Variants in ECHDC2 observed in about 807,000 individuals in gnomAD.
ECHDC2 encodes the protein enoyl-CoA hydratase domain-containing protein 2, mitochondrial.
In ECHDC2, 34 loss-of-function variants were observed where a neutral mutation model predicts 40.6. The ratio of observed to expected loss-of-function variants is 0.84; its 90% CI spans 0.64 to 1.11. The LOEUF (loss-of-function observed/expected upper bound fraction) is 1.11, where lower values mean the gene tolerates loss of function less well. ECHDC2 is among the 50% of genes most tolerant of loss of function. The pLI, the probability that ECHDC2 is intolerant of heterozygous loss-of-function variation, is 0.00. For missense variants in ECHDC2, 392 were observed against 400.7 expected (o/e 0.98, Z 0.19); for synonymous variants, 162 against 166.6 (o/e 0.97, Z 0.21).
upstream of ECHDC2, chr1:52,921,749 G>A: frequency 1.4e-6 from 2 of 1,422,662 alleles, no homozygotes; most frequent in Non-Finnish European, 1.8e-6. Flanking sequence ...TCGCAGTTCC[G>A]GCGTCGGGCG....
chr1:52,917,633 A>T, intron 1 of ECHDC2: 1 of 456,102 alleles, frequency 2.2e-6, no homozygotes, highest in South Asian at 1.5e-5. Context: ...GTTGAAGGAC[A>T]GCCATTAATT....
intron 9 of ECHDC2, 69 bp from the exon 10 acceptor site, chr1:52,896,666 T>C: frequency 7.6e-7 from 1 of 1,308,548 alleles, no homozygotes; most frequent in African/African-American, 1.5e-5. Context: ...TTGCTTAAGC[T>C]TGTCCAGCCC....
At chr1:52,911,469 T>C in intron 3 of ECHDC2, 97 bp downstream of exon 3, 3 of 1,180,678 alleles carry the variant, frequency 2.5e-6, no homozygotes, top group South Asian at 1.3e-5. Context: ...ATGGCAACAA[T>C]GAGTCCCATG....
intron 7 of ECHDC2, 118 bp from the exon 8 acceptor site, chr1:52,899,342 T>C: frequency 1.1e-6 from 1 of 913,986 alleles, no homozygotes; most frequent in East Asian, 2.5e-5. Flanking sequence ...GTTCCAGCCA[T>C]TCTGCTGACA....
intron 8 of ECHDC2, chr1:52,897,803 C>T (rs2150032373): frequency 2.1e-6 from 1 of 476,766 alleles, no homozygotes; most frequent in South Asian, 2.3e-5. Flanking sequence ...GGCCCACTGA[C>T]TGGCACTTGA....
intron 1 of ECHDC2, chr1:52,917,661 G>A (rs889193939): frequency 4.4e-6 from 2 of 455,930 alleles, no homozygotes; most frequent in African/African-American, 4.0e-5. Context: ...TGCACAGCAT[G>A]ATGATGTTTT....
intron 7 of ECHDC2, 140 bp from the exon 8 acceptor site, chr1:52,899,364 G>A (rs1646843386): frequency 6.8e-6 from 5 of 735,446 alleles, no homozygotes; most frequent in East Asian, 2.6e-5. Context: ...TTTCTTTAGC[G>A]TTAGTCCTAT....
rs532560153 is a variant in ECHDC2, at chr1:52,906,941, ATTTTTT to A, written c.365-336_365-331del. The A allele has an allele frequency of 1.7e-4, 18 of 107,198 alleles. No homozygotes were observed. The South Asian group carries it at 4.6e-3, about 27-fold the overall frequency. 6.6% of individuals were successfully genotyped at this position (107,198 alleles called of 1,614,324 possible). Reference sequence around the variant, plus strand: ...CACCACGCCCAGCTAATTTTTTTGTATTTTTTTTTTTTTTTTTTTAAGTAGAGACGG... The same window carrying A: ...CACCACGCCCAGCTAATTTTTTTGTATTTTTTTTTTTTTAAGTAGAGACGG... On this transcript the variant is annotated intron_variant, in intron 4 of 9. Coordinates refer to ENST00000371522, the MANE Select transcript of ECHDC2 (RefSeq NM_001198961.2).
At chr1:52,898,998 GTC>G in intron 8 of ECHDC2, 174 bp downstream of exon 8, 1 of 707,478 alleles carries the variant, frequency 1.4e-6, no homozygotes, top group Non-Finnish European at 2.6e-6. Context: ...CAATAATACT[GTC>G]TGGCCAATTT....
At position 52,904,349 on chromosome 1, in the gene ECHDC2, A is replaced by AT. The variant is rs1647218644; in HGVS notation, c.702+296dup. On this transcript the variant is annotated intron_variant, in intron 7 of 9. Transcript: ENST00000371522. The stretch of plus-strand genomic sequence containing the variant: ...TTAAATCATTTGGCTAGTGGCTCCC[A>AT]TACTGGATAAGCACAAGTATAGAAC... Among the ~76,000 whole-genome samples, 4 of 152,358 alleles carry AT rather than the reference A, an allele frequency of 2.6e-5. No homozygotes were observed. In the South Asian group the frequency reaches 8.3e-4, roughly 32 times the overall value.
Position 52,914,362 on chromosome 1 carries a change from G to A in ECHDC2, c.122-2572C>T, listed in dbSNP as rs576836472. Among the ~76,000 whole-genome samples, 6 of 152,294 alleles carry A rather than the reference G, an allele frequency of 3.9e-5. No individual in the cohort carries two copies. The highest frequency in any genetic ancestry group is 4.1e-4 in the South Asian group (2 of 4,824). ...AGCGTGTGCATGAGTGCCTGTGTGT[G>A]TGCATGCATGTTGGCAAGGTGCAGG... On this transcript the variant is annotated intron_variant, in intron 1 of 9. Transcript: ENST00000371522. The surrounding 1 kb of genome is among the most constrained non-coding windows in gnomAD (Gnocchi z 4.0).
chr1:52,907,956 T>C lies in ECHDC2; in HGVS notation c.278-2A>G. 6.2e-7 allele frequency: 1 copy of C among 1,612,118 alleles called. No homozygotes were observed. Among genetic ancestry groups the C allele is most frequent in the South Asian group, 1.1e-5 (1 of 91,012 alleles). On this transcript the variant is annotated splice_acceptor_variant, in intron 3 of 9. Coordinates refer to ENST00000371522, the MANE Select transcript of ECHDC2 (RefSeq NM_001198961.2). LOFTEE classifies it high-confidence loss of function. ...GTTCCCGCTCCTTCAGGTCTGCACC[T>C]GCAGATGGCGAGGGTTGGTACCAGC...
chr1:52,901,685 C>T (rs939572701), intron 7 of ECHDC2: 2 of 152,146 alleles, frequency 1.3e-5, no homozygotes, highest in African/African-American at 4.8e-5. Context: ...CCCAGAAGGT[C>T]TCAACTCTGG....
intron 4 of ECHDC2, 136 bp from the exon 5 acceptor site, chr1:52,906,747 G>A: frequency 5.3e-6 from 3 of 561,880 alleles, no homozygotes; most frequent in Non-Finnish European, 6.3e-6. Flanking sequence ...TGGAACCTCA[G>A]CCAGGTTATC....
intron 3 of ECHDC2, 45 bp from the exon 4 acceptor site, chr1:52,907,999 T>G (rs771322600): frequency 2.5e-6 from 4 of 1,579,628 alleles, no homozygotes; most frequent in Non-Finnish European, 2.6e-6. Flanking sequence ...AAAATGGCAC[T>G]TTACGGAATC....
chr1:52,921,349 G>T, intron 1 of ECHDC2: 1 of 1,267,370 alleles, frequency 7.9e-7, no homozygotes, highest in Non-Finnish European at 1.0e-6. Flanking sequence ...GGTTGCCAGA[G>T]GCCCCCCGCC....
chr1:52,910,616 A>T (rs1571969853), intron 3 of ECHDC2, among the ~76,000 whole-genome samples: 1 of 151,762 alleles, frequency 6.6e-6, no homozygotes, highest in Admixed American at 6.6e-5. Flanking sequence ...TGATCCACAC[A>T]CCTCGGCCTC....
At chr1:52,903,070 G>GAGTT (rs1471693225) in intron 7 of ECHDC2, among the ~76,000 whole-genome samples, 1 of 152,092 alleles carries the variant, frequency 6.6e-6, no homozygotes, top group East Asian at 1.9e-4. Context: ...GGCCCCCTGA[G>GAGTT]AGTTGGGAGA....
intron 1 of ECHDC2, among the ~76,000 whole-genome samples, chr1:52,915,639 AAG>A (rs2150068663): frequency 6.6e-6 from 1 of 152,280 alleles, no homozygotes; most frequent in South Asian, 2.1e-4. Context: ...AGGAGGAGTC[AAG>A]GACCCTGACC....
Sources: allele counts gnomAD v4.1 joint callset (sites outside exome capture counted in the v4.1 genomes callset), GRCh38; gene constraint gnomAD v4.1.1; non-coding constraint Gnocchi (gnomAD v3.1); transcripts MANE v1.5; gene names NCBI Gene and HGNC (gene_info 2026-07-23, HGNC 2026-07-21).